NEBL: variants seen among roughly 807,000 people sequenced by gnomAD.
The protein encoded by NEBL is nebulette.
A neutral mutation model predicts 140.2 loss-of-function variants in NEBL; 122 were observed. That is an observed-to-expected ratio of 0.87 (90% CI 0.75 to 1.01). The LOEUF is 1.01. Ranked by LOEUF, NEBL falls within the 50% of genes least tolerant of loss-of-function variation. The pLI is 0.00. For synonymous variants in NEBL, 436 were observed against 398.9 expected, an observed-to-expected ratio of 1.09 and a Z score of -1.11; for missense variants, 1,365 against 1,231.3, an observed-to-expected ratio of 1.11 and a Z score of -1.62.
intron 3 of NEBL, chr10:21,217,862 AC>A (rs1338537849): frequency 6.6e-6 from 1 of 152,228 alleles, no homozygotes. Flanking sequence ...GCAGCAACCA[AC>A]AAGTCAGCTA....
chr10:20,979,815 T>A (rs1311839823), intron 3 of NEBL, among the ~76,000 whole-genome samples: 1 of 152,114 alleles, frequency 6.6e-6, no homozygotes, highest in Non-Finnish European at 1.5e-5. Flanking sequence ...CAAGCAATCC[T>A]CCTACCTCAG....
At chr10:20,939,590 AC>A (rs1834726570) in intron 4 of NEBL, among the ~76,000 whole-genome samples, 1 of 152,320 alleles carries the variant, frequency 6.6e-6, no homozygotes, top group South Asian at 2.1e-4. Context: ...AACAATATTA[AC>A]CTTAAACGTA....
chr10:21,169,488 G>A (rs570287987), intron 2 of NEBL, among the ~76,000 whole-genome samples: 5 of 152,260 alleles, frequency 3.3e-5, no homozygotes, highest in African/African-American at 9.6e-5. Context: ...TAGAGCCAAT[G>A]AGTCAGGATC....
At chr10:20,822,285 C>T (rs1839397474) in intron 19 of NEBL, among the ~76,000 whole-genome samples, 1 of 151,902 alleles carries the variant, frequency 6.6e-6, no homozygotes, top group African/African-American at 2.4e-5. Context: ...TTCAATAACA[C>T]ATTTCATGTT....
chr10:21,063,988 C>T (rs566237881), intron 2 of NEBL, among the ~76,000 whole-genome samples: 16 of 151,990 alleles, frequency 1.1e-4, no homozygotes, highest in Non-Finnish European at 2.1e-4. Context: ...AGGAGGATTG[C>T]TTGAGCCCGG....
chr10:21,183,842 A>G (rs1032271756), intron 3 of NEBL, among the ~76,000 whole-genome samples: 2 of 152,144 alleles, frequency 1.3e-5, no homozygotes, highest in Non-Finnish European at 2.9e-5. Context: ...AAGGTAATTG[A>G]ATCATGGGGG....
At chr10:21,083,681 C>T (rs1250122404) in intron 2 of NEBL, among the ~76,000 whole-genome samples, 1 of 152,136 alleles carries the variant, frequency 6.6e-6, no homozygotes, top group Non-Finnish European at 1.5e-5. Context: ...CCCGTCTCTA[C>T]TAAAAATACA....
intron 4 of NEBL, among the ~76,000 whole-genome samples, chr10:20,930,598 C>T (rs1834135670): frequency 6.6e-6 from 1 of 152,170 alleles, no homozygotes. Context: ...CACCAGTTCC[C>T]CTTTTGCTCA....
At chr10:20,924,580 G>C (rs1458560814) in intron 4 of NEBL, among the ~76,000 whole-genome samples, 1 of 151,504 alleles carries the variant, frequency 6.6e-6, no homozygotes, top group East Asian at 1.9e-4. Context: ...ACTACATATA[G>C]GGCTCTGGTC....
rs142682003 is a variant in NEBL, at chr10:20,950,485, A to G, written c.357+11187T>C. On this transcript the variant is annotated intron_variant, in intron 4 of 6. Transcript: ENST00000417816. ...CTTCCTTCTGCCTCTTCTCCCTCAT[A>G]AACACTTTTACATCCAACCGAGGCC... 6.1e-3 allele frequency among the ~76,000 whole-genome samples: 922 copies of G among 152,226 alleles called. 6 individuals carry two copies. Among genetic ancestry groups the G allele is most frequent in the African/African-American group, 0.021 (889 of 41,538 alleles).
At chr10:21,067,669 G>C (rs932460372) in intron 2 of NEBL, among the ~76,000 whole-genome samples, 4 of 152,116 alleles carry the variant, frequency 2.6e-5, no homozygotes, top group Non-Finnish European at 5.9e-5. Context: ...TAATCTGAGA[G>C]AGAACACCTT....
intron 2 of NEBL, among the ~76,000 whole-genome samples, chr10:21,163,786 G>A (rs778955661): frequency 1.7e-4 from 26 of 152,162 alleles, no homozygotes; most frequent in Non-Finnish European, 3.1e-4. Flanking sequence ...TGCACACATC[G>A]AACTAGTTCT....
intron 19 of NEBL, among the ~76,000 whole-genome samples, chr10:20,820,800 G>C (rs1457543367): frequency 6.6e-6 from 1 of 151,988 alleles, no homozygotes. Context: ...ACTCCAGCCT[G>C]GGTGACAGAG....
chr10:20,924,998 G>C (rs530789209), intron 4 of NEBL, among the ~76,000 whole-genome samples: 1 of 150,726 alleles, frequency 6.6e-6, no homozygotes, highest in East Asian at 2.0e-4. Flanking sequence ...TCTCTTAGAG[G>C]TAAGAGTAAT....
chr10:21,016,974 T>C (rs1464012140), intron 3 of NEBL, among the ~76,000 whole-genome samples: 2 of 152,236 alleles, frequency 1.3e-5, no homozygotes, highest in Non-Finnish European at 1.5e-5. Context: ...TACCTTTACA[T>C]ACATTGCATC....
chr10:20,898,939 T>G (rs1847713419), upstream of NEBL, among the ~76,000 whole-genome samples: 4 of 152,298 alleles, frequency 2.6e-5, no homozygotes, highest in South Asian at 8.3e-4. Context: ...TTGAACTAGT[T>G]TTTGATACAG....
chr10:21,076,970 A>G (rs1021012429), intron 2 of NEBL, among the ~76,000 whole-genome samples: 5 of 152,210 alleles, frequency 3.3e-5, no homozygotes, highest in African/African-American at 9.6e-5. Flanking sequence ...AAAAAGTTCT[A>G]GAAACATACA....
chr10:20,927,078 C>T (rs1033555928), intron 4 of NEBL, among the ~76,000 whole-genome samples: 3 of 152,094 alleles, frequency 2.0e-5, no homozygotes, highest in East Asian at 3.9e-4. Flanking sequence ...GGAGTTTCAA[C>T]GCGACTGCAT....
chr10:20,888,304 A>G, intron 3 of NEBL, 97 bp from the exon 4 acceptor site: 1 of 771,696 alleles, frequency 1.3e-6, no homozygotes, highest in Non-Finnish European at 2.2e-6. Context: ...CTCCCAAAAC[A>G]GAATTGATTT....
Sources: allele counts gnomAD v4.1 joint callset (sites outside exome capture counted in the v4.1 genomes callset), GRCh38; gene constraint gnomAD v4.1.1; transcripts MANE v1.5; gene names NCBI Gene and HGNC (gene_info 2026-07-23, HGNC 2026-07-21).